The following ETS1 variants were observed in gnomAD, a reference collection of about 807,000 sequenced individuals.
The protein encoded by ETS1 is ETS proto-oncogene 1, transcription factor.
In ETS1, 15 loss-of-function variants were observed where a neutral mutation model predicts 58.6. The observed-to-expected ratio is 0.26, with a 90% CI of 0.17 to 0.39. The LOEUF (loss-of-function observed/expected upper bound fraction) is 0.39, where lower values mean the gene tolerates loss of function less well. Ranked by LOEUF, ETS1 falls within the 10% of genes least tolerant of loss-of-function variation. The pLI, the probability that ETS1 is intolerant of heterozygous loss-of-function variation, is 1.00. For synonymous variants in ETS1, 214 were observed against 218.2 expected, an observed-to-expected ratio of 0.98 and a Z score of 0.17; for missense variants, 417 against 610.5, an observed-to-expected ratio of 0.68 and a Z score of 3.34.
At chr11:128,561,122 G>A (rs960707188) in intron 2 of ETS1, among the ~76,000 whole-genome samples, 1 of 152,192 alleles carries the variant, frequency 6.6e-6, no homozygotes, top group Non-Finnish European at 1.5e-5. Flanking sequence ...TGGGCAATGA[G>A]GATGGTAGGA....
At chr11:128,562,827 C>T (rs1385058543) in intron 2 of ETS1, among the ~76,000 whole-genome samples, 1 of 152,144 alleles carries the variant, frequency 6.6e-6, no homozygotes, top group Non-Finnish European at 1.5e-5. Context: ...ATCTTGCTAG[C>T]CCATTCCCTC....
At chr11:128,559,641 C>T (rs181738245) in intron 2 of ETS1, among the ~76,000 whole-genome samples, 161 of 152,278 alleles carry the variant, frequency 1.1e-3, no homozygotes, top group African/African-American at 3.7e-3. Context: ...CCAGGGGATG[C>T]TCCTGAGAAG....
chr11:128,471,094 C>T (rs1190792396), intron 8 of ETS1, among the ~76,000 whole-genome samples: 1 of 152,204 alleles, frequency 6.6e-6, no homozygotes, highest in Non-Finnish European at 1.5e-5. Context: ...GTATAGAGCT[C>T]ACCTAGAGCA....
At chr11:128,573,210 G>T in intron 1 of ETS1, 66 bp from the exon 2 acceptor site, 1 of 1,119,586 alleles carries the variant, frequency 8.9e-7, no homozygotes, top group South Asian at 1.3e-5. Context: ...GAATACACAA[G>T]GAAGACACGA....
chr11:128,532,099 A>G (rs1462476084), intron 3 of ETS1, among the ~76,000 whole-genome samples: 1 of 152,186 alleles, frequency 6.6e-6, no homozygotes, highest in African/African-American at 2.4e-5. Flanking sequence ...AACTTGTGCT[A>G]TAAACCTAAA....
chr11:128,556,483 T>C (rs745713203), intron 2 of ETS1, 48 bp from the exon 3 acceptor site: 5 of 1,352,644 alleles, frequency 3.7e-6, no homozygotes, highest in Non-Finnish European at 5.1e-6. Flanking sequence ...AAAATCTCTG[T>C]TGTTTAGCCC....
intron 3 of ETS1, among the ~76,000 whole-genome samples, chr11:128,533,775 A>G (rs1863934455): frequency 6.6e-6 from 1 of 152,216 alleles, no homozygotes; most frequent in Non-Finnish European, 1.5e-5. Context: ...ACGTTACCAA[A>G]AATAATCTGA....
At position 128,484,854 on chromosome 11, in the gene ETS1, T is replaced by C; in HGVS notation, c.831A>G (p.Pro277=). 1 of 1,614,088 alleles carries C rather than the reference T, an allele frequency of 6.2e-7. No homozygotes were observed. Among genetic ancestry groups the C allele is most frequent in the Non-Finnish European group, 8.5e-7 (1 of 1,179,968 alleles). The stretch of plus-strand genomic sequence containing the variant: ...TGGTCCTCCCCATGCACATGTTGTC[T>C]GGGGTGACGACTTCTTGTTTGATAG... ...YFAIKQEVVT[P]DNMCMGRTSR... Residue 277 remains proline (P), a synonymous_variant, in exon 7 of 10, where the codon CCA becomes CCG. Transcript: ENST00000392668.
rs1022593340 is a variant in ETS1 at position 128,460,168 on chromosome 11, C to G, written c.*2193G>C. The G allele has an allele frequency of 1.3e-5, 2 of 152,600 alleles. No homozygotes were observed. Among genetic ancestry groups the G allele is most frequent in the African/African-American group, 4.8e-5 (2 of 41,342 alleles). The allele number at this position is 152,600 out of a possible 1,614,324, so 9.5% of individuals were successfully genotyped here. ...ACACACACCTTTTGCCAGTGCCCAA[C>G]AAAAATCACATAATCTAAGAGAAAA... is the stretch of plus-strand genomic sequence containing the variant. On this transcript the variant is annotated 3_prime_UTR_variant, in exon 10 of 10. Coordinates refer to ENST00000392668, the MANE Select transcript of ETS1 (RefSeq NM_001143820.2).
intron 3 of ETS1, among the ~76,000 whole-genome samples, chr11:128,550,411 G>A (rs1214082644): frequency 6.6e-6 from 1 of 152,214 alleles, no homozygotes; most frequent in African/African-American, 2.4e-5. Flanking sequence ...TCCACTTATG[G>A]AGAATAGGGT....
intron 3 of ETS1, among the ~76,000 whole-genome samples, chr11:128,540,730 T>C (rs1864044825): frequency 6.6e-6 from 1 of 152,190 alleles, no homozygotes; most frequent in African/African-American, 2.4e-5. Context: ...CTCCTGGCTT[T>C]ATAAACAGCA....
In ETS1 at chr11:128,463,794, C is replaced by A; in HGVS notation, c.1124-167G>T. ...TCGGAGGAAGTGTTATGAGCTCGAA[C>A]AGATAGAAAAGACAAAGGCCTCCCT... On this transcript the variant is annotated intron_variant, in intron 8 of 9. Transcript: ENST00000392668. This position sits in a 1 kb window ranked among gnomAD's most constrained non-coding sequence, Gnocchi z 4.1. The A allele has an allele frequency of 2.0e-6, 1 of 506,552 alleles. No individual in the cohort carries two copies. Among genetic ancestry groups the A allele is most frequent in the East Asian group, 3.3e-5 (1 of 30,072 alleles). 31.4% of individuals were successfully genotyped at this position (506,552 alleles called of 1,614,324 possible).
chr11:128,477,671 TCC>T (rs2135435269), intron 8 of ETS1, among the ~76,000 whole-genome samples: 1 of 152,048 alleles, frequency 6.6e-6, no homozygotes, highest in East Asian at 1.9e-4. Context: ...ACCTAACAAA[TCC>T]CAACTTTCAT....
rs187651193 is a variant in ETS1 at position 128,568,696 on chromosome 11, T to C, written c.69+4366A>G. Among the ~76,000 whole-genome samples, 3 of 152,312 alleles carry C rather than the reference T, an allele frequency of 2.0e-5. No individual in the cohort carries two copies. In the East Asian group the frequency reaches 5.8e-4, roughly 29 times the overall value. On this transcript the variant is annotated intron_variant, in intron 2 of 9. Coordinates refer to ENST00000392668, the MANE Select transcript of ETS1 (RefSeq NM_001143820.2). ...TGTGAATTCTGTGCAAAACCATGATTACCTGAGGCTGGCATGGATTTTAAC... is the reference window on the plus strand; with the variant it reads ...TGTGAATTCTGTGCAAAACCATGATCACCTGAGGCTGGCATGGATTTTAAC...
chr11:128,541,131 A>T (rs1864051813), intron 3 of ETS1, among the ~76,000 whole-genome samples: 1 of 152,086 alleles, frequency 6.6e-6, no homozygotes, highest in South Asian at 2.1e-4. Flanking sequence ...CATCCCTCTC[A>T]TCATTCCCAG....
intron 3 of ETS1, among the ~76,000 whole-genome samples, chr11:128,534,537 A>G (rs779625567): frequency 6.6e-6 from 1 of 152,146 alleles, no homozygotes; most frequent in Non-Finnish European, 1.5e-5. Context: ...CTAGGTATTA[A>G]GCCCTGCACA....
At chr11:128,496,778 C>A (rs138012703) in intron 3 of ETS1, among the ~76,000 whole-genome samples, 6 of 152,236 alleles carry the variant, frequency 3.9e-5, no homozygotes, top group African/African-American at 1.4e-4. Flanking sequence ...CACTAGAAAC[C>A]GGGCAGGCAG....
At chr11:128,556,918 G>T (rs1864321988) in intron 2 of ETS1, among the ~76,000 whole-genome samples, 1 of 152,200 alleles carries the variant, frequency 6.6e-6, no homozygotes, top group Admixed American at 6.5e-5. Context: ...GTTAATCAGT[G>T]TGTATAGGCT....
intron 3 of ETS1, among the ~76,000 whole-genome samples, chr11:128,537,915 G>C (rs769066151): frequency 3.9e-5 from 6 of 152,100 alleles, no homozygotes; most frequent in Non-Finnish European, 8.8e-5. Flanking sequence ...ATGGGGAAGA[G>C]GACTTAGAAG....
Sources: allele counts gnomAD v4.1 joint callset (sites outside exome capture counted in the v4.1 genomes callset), GRCh38; gene constraint gnomAD v4.1.1; non-coding constraint Gnocchi (gnomAD v3.1); transcripts MANE v1.5; gene names NCBI Gene and HGNC (gene_info 2026-07-23, HGNC 2026-07-21).